The following OGDHL variants were observed in gnomAD, a reference collection of about 807,000 sequenced individuals.
The protein encoded by OGDHL is oxoglutarate dehydrogenase L.
In OGDHL, 79 loss-of-function variants were observed where a neutral mutation model predicts 109.6. The ratio of observed to expected loss-of-function variants is 0.72; its 90% CI spans 0.60 to 0.87. The LOEUF is 0.87. Among genes scored for constraint, OGDHL ranks in the 40% least tolerant of loss-of-function variants. OGDHL has a pLI of 0.00. For missense variants in OGDHL, 1,275 were observed against 1,362.2 expected (o/e 0.94, Z 1.01); for synonymous variants, 528 against 537.2 (o/e 0.98, Z 0.24).
intron 18 of OGDHL, 21 bp downstream of exon 18, chr10:49,738,170 G>A (rs1024610523): frequency 1.5e-5 from 24 of 1,613,980 alleles, no homozygotes; most frequent in African/African-American, 2.7e-5. Flanking sequence ...TCCCTGTCCT[G>A]GGGACAGCAG....
intron 16 of OGDHL, among the ~76,000 whole-genome samples, chr10:49,740,489 T>A (rs559465538): frequency 5.9e-5 from 9 of 151,596 alleles, no homozygotes; most frequent in Admixed American, 4.6e-4. Flanking sequence ...GGCAAGGAGG[T>A]CCCCCCAACT....
rs567461329 is a variant in OGDHL at position 49,747,145 on chromosome 10, G to A, written c.1051C>T (p.Arg351Trp). 1.4e-5 allele frequency: 22 copies of A among 1,614,072 alleles called. No homozygotes were observed. The highest frequency in any genetic ancestry group is 1.1e-4 in the African/African-American group (8 of 74,942). The change falls in exon 9 of 23, where the codon CGG becomes TGG. Residue 351 changes from arginine (R) to tryptophan (W), a missense_variant. Transcript: ENST00000374103. ...YHERINRVTNRNITLSLVANP... is the reference protein window; with the variant it reads ...YHERINRVTNWNITLSLVANP... ...GCAACCAGCGACAGAGTGATGTTCC[G>A]GTTGGTGACGCGGTTGATCCTCTCA...
intron 11 of OGDHL, 103 bp from the exon 12 acceptor site, chr10:49,745,599 G>A: frequency 6.9e-7 from 1 of 1,444,158 alleles, no homozygotes; most frequent in Admixed American, 1.8e-5. Context: ...CCCACTGGGA[G>A]CCCTTTGAGC....
Position 49,738,607 on chromosome 10 carries a change from C to T in OGDHL, c.2320-345G>A, listed in dbSNP as rs920711118. 62 of 343,568 alleles carry T rather than the reference C, an allele frequency of 1.8e-4. No individual in the cohort carries two copies. The East Asian group carries it at 2.8e-3, about 16-fold the overall frequency. 21.3% of individuals were successfully genotyped at this position (343,568 alleles called of 1,614,324 possible). On this transcript the variant is annotated intron_variant, in intron 17 of 22. Coordinates refer to ENST00000374103, the MANE Select transcript of OGDHL (RefSeq NM_018245.3). ...GAGGCAGAGTTCTAGGAATCCCACA[C>T]GCCTTATCGCTAACCCCCAAAGTAG... is the stretch of plus-strand genomic sequence containing the variant.
intron 15 of OGDHL, among the ~76,000 whole-genome samples, chr10:49,741,727 C>CCACA (rs200353008): frequency 0.037 from 5,551 of 148,862 alleles, 127 homozygotes; most frequent in South Asian, 0.087. Context: ...TACACACACA[C>CCACA]CACACACATA....
At chr10:49,755,050 C>T (rs556856518) in intron 3 of OGDHL, among the ~76,000 whole-genome samples, 1 of 152,252 alleles carries the variant, frequency 6.6e-6, no homozygotes, top group Admixed American at 6.5e-5. Flanking sequence ...TCAAGACCAG[C>T]CTGGCCAACA....
intron 1 of OGDHL, among the ~76,000 whole-genome samples, chr10:49,759,447 C>G (rs111829960): frequency 2.0e-5 from 3 of 152,198 alleles, no homozygotes; most frequent in African/African-American, 7.2e-5. Context: ...GTCACCTGTG[C>G]CTTCCCAGGG....
chr10:49,745,594 TGGG>T (rs1842121699), intron 11 of OGDHL, 98 bp from the exon 12 acceptor site: 1 of 1,467,830 alleles, frequency 6.8e-7, no homozygotes, highest in Non-Finnish European at 9.4e-7. Flanking sequence ...GCACACCCAC[TGGG>T]AGCCCTTTGA....
At chr10:49,740,650 C>G (rs1841578227) in intron 16 of OGDHL, 60 bp downstream of exon 16, 2 of 1,577,602 alleles carry the variant, frequency 1.3e-6, no homozygotes, top group Non-Finnish European at 1.7e-6. Flanking sequence ...CCCTTCCCAG[C>G]CCATCTCTTG....
At chr10:49,758,134 C>T (rs961568978) in intron 2 of OGDHL, among the ~76,000 whole-genome samples, 3 of 152,340 alleles carry the variant, frequency 2.0e-5, no homozygotes, top group African/African-American at 7.2e-5. Context: ...CAGCATAGCA[C>T]GACAAAGGGG....
chr10:49,735,180 T>C lies in OGDHL; in HGVS notation c.*48A>G, dbSNP rs149530781. The C allele has an allele frequency of 1.7e-3, 2,710 of 1,581,586 alleles. 7 individuals carry two copies. The highest frequency in any genetic ancestry group is 4.7e-3 in the Middle Eastern group (28 of 5,898). The stretch of plus-strand genomic sequence containing the variant: ...GCCCCTCCCCTTTTCATCACCCCCT[T>C]GGTCCCCAGCAAACCCACAGCGAGA... On this transcript the variant is annotated 3_prime_UTR_variant, in exon 23 of 23. Transcript: ENST00000374103.
At chr10:49,744,491 C>A (rs539696031) in intron 13 of OGDHL, among the ~76,000 whole-genome samples, 159 bp downstream of exon 13, 2 of 152,278 alleles carry the variant, frequency 1.3e-5, no homozygotes, top group African/African-American at 4.8e-5. Context: ...CCTTGACTTG[C>A]AGGAATCGGC....
intron 15 of OGDHL, among the ~76,000 whole-genome samples, chr10:49,741,717 TACAC>T (rs1482048843): frequency 2.4e-5 from 3 of 126,862 alleles, no homozygotes; most frequent in African/African-American, 9.0e-5. Flanking sequence ...AACACATACA[TACAC>T]ACACACCACA....
intron 12 of OGDHL, among the ~76,000 whole-genome samples, chr10:49,745,062 GACAAC>G (rs1189437760): frequency 6.6e-6 from 1 of 152,228 alleles, no homozygotes; most frequent in African/African-American, 2.4e-5. Context: ...TAATTATGGG[GACAAC>G]CCCAGCTCAG....
chr10:49,735,629 A>G (rs559600636), intron 22 of OGDHL, among the ~76,000 whole-genome samples: 176 of 152,370 alleles, frequency 1.2e-3, no homozygotes, highest in African/African-American at 4.1e-3. Flanking sequence ...CTTTGGGGAC[A>G]AACATACTTT....
At chr10:49,750,034 C>T (rs1425616895) in intron 7 of OGDHL, among the ~76,000 whole-genome samples, 1 of 152,212 alleles carries the variant, frequency 6.6e-6, no homozygotes, top group Non-Finnish European at 1.5e-5. Context: ...TGGGCCAGCT[C>T]TGCCTAACTC....
In OGDHL at chr10:49,749,835, G is replaced by A. The variant is rs1305468600; in HGVS notation, c.897-19C>T. 2 of 1,574,456 alleles carry A rather than the reference G, an allele frequency of 1.3e-6. No homozygotes were observed. The highest frequency in any genetic ancestry group is 2.3e-5 in the South Asian group (2 of 86,560). ...CCTTCCCCTGGAGCCAGAGGGGCCG[G>A]GCTCTCACCTGGCAAAGCCCGCAGG... is the stretch of plus-strand genomic sequence containing the variant. On this transcript the variant is annotated intron_variant, in intron 7 of 22. Coordinates refer to ENST00000374103, the MANE Select transcript of OGDHL (RefSeq NM_018245.3).
rs1842466841 is a variant in OGDHL at position 49,749,883 on chromosome 10, G to A, written c.897-67C>T. 3 of 1,395,588 alleles carry A rather than the reference G, an allele frequency of 2.1e-6. 1 individual carries two copies. The allele number at this position is 1,395,588 out of a possible 1,614,324, so 86.5% of individuals were successfully genotyped here. ...AGGCCTCAGGGTTCCCTCCCCCACT[G>A]TGGAGGCCTGGCCTGGCCTAATACA... On this transcript the variant is annotated intron_variant, in intron 7 of 22. Coordinates refer to ENST00000374103, the MANE Select transcript of OGDHL (RefSeq NM_018245.3).
intron 2 of OGDHL, 63 bp from the exon 3 acceptor site, chr10:49,757,009 A>G: frequency 6.5e-7 from 1 of 1,542,040 alleles, no homozygotes. Context: ...GGGGTGGCCC[A>G]GGCTGGGGCC....
Sources: gnomAD v4.1 joint callset for allele counts (sites outside exome capture counted in the v4.1 genomes callset) on GRCh38, gnomAD v4.1.1 for gene constraint, MANE v1.5 for transcripts, NCBI Gene and HGNC (gene_info 2026-07-23, HGNC 2026-07-21) for gene names.